The following RHOBTB1 variants were observed in gnomAD, a reference collection of about 807,000 sequenced individuals.
RHOBTB1 encodes the protein Rho related BTB domain containing 1.
RHOBTB1 carries 40 observed loss-of-function variants against 71.6 expected under a neutral mutation model. That is an observed-to-expected ratio of 0.56 (90% CI 0.43 to 0.73). The LOEUF is 0.73. Ranked by LOEUF, RHOBTB1 falls within the 30% of genes least tolerant of loss-of-function variation. The probability of loss-of-function intolerance (pLI) is 0.00; values close to 1 mark genes in which losing one functional copy is unlikely to be tolerated. For missense variants in RHOBTB1, 797 were observed against 894.0 expected (o/e 0.89, Z 1.38); for synonymous variants, 319 against 334.9 (o/e 0.95, Z 0.52).
Position 60,871,743 on chromosome 10 carries a change from C to T in RHOBTB1, c.1922-92G>A, listed in dbSNP as rs1254006279. 11 of 1,223,256 alleles carry T rather than the reference C, an allele frequency of 9.0e-6. No homozygotes were observed. In the East Asian group the frequency reaches 2.5e-4, roughly 28 times the overall value. 75.8% of individuals were successfully genotyped at this position (1,223,256 alleles called of 1,614,324 possible). ...GAGCTTAAAGCTTCTCAAATATCCT[C>T]TCAAAAACGTGATGCGGCAGAGACT... On this transcript the variant is annotated intron_variant, in intron 10 of 10. Transcript: ENST00000337910.
chr10:60,971,632 T>C (rs1000014646), intron 2 of RHOBTB1, among the ~76,000 whole-genome samples: 4 of 152,092 alleles, frequency 2.6e-5, no homozygotes, highest in African/African-American at 9.7e-5. Context: ...AACACAGGCA[T>C]GGGCAAAGAC....
chr10:60,867,179 T>C (rs2080638641), downstream of RHOBTB1, among the ~76,000 whole-genome samples: 1 of 152,194 alleles, frequency 6.6e-6, no homozygotes, highest in Admixed American at 6.5e-5. Flanking sequence ...TCTTTTCACA[T>C]GACAGTTGAA....
chr10:60,952,328 G>A (rs542499203), intron 2 of RHOBTB1, among the ~76,000 whole-genome samples: 221 of 152,134 alleles, frequency 1.5e-3, no homozygotes, highest in Non-Finnish European at 2.9e-3. Context: ...TATGGGACTA[G>A]TGCACATGAT....
At chr10:60,911,110 T>C in intron 3 of RHOBTB1, 120 bp from the exon 4 acceptor site, 1 of 821,012 alleles carries the variant, frequency 1.2e-6, no homozygotes, top group Non-Finnish European at 2.0e-6. Flanking sequence ...CCTTATTCTA[T>C]CTGACGGGAT....
At chr10:60,899,683 A>T (rs2082320989) in intron 4 of RHOBTB1, among the ~76,000 whole-genome samples, 1 of 152,180 alleles carries the variant, frequency 6.6e-6, no homozygotes, top group Non-Finnish European at 1.5e-5. Flanking sequence ...TTGAGAACCT[A>T]CTGTGTACCA....
intron 1 of RHOBTB1, among the ~76,000 whole-genome samples, chr10:60,943,186 T>A (rs1172660325): frequency 1.3e-5 from 2 of 152,346 alleles, no homozygotes; most frequent in East Asian, 3.9e-4. Context: ...TGCTTGGCGC[T>A]CCCTTCTAAC....
intron 1 of RHOBTB1, among the ~76,000 whole-genome samples, chr10:60,943,035 C>T (rs925025753): frequency 3.9e-4 from 59 of 152,254 alleles, no homozygotes; most frequent in African/African-American, 1.4e-3. Flanking sequence ...CTCTTCTGGT[C>T]TTAACTTCCT....
chr10:60,981,297 T>C (rs1373322665), intron 2 of RHOBTB1, among the ~76,000 whole-genome samples: 1 of 152,204 alleles, frequency 6.6e-6, no homozygotes, highest in African/African-American at 2.4e-5. Context: ...ATAATAAAGA[T>C]GATGAAAATA....
At chr10:60,886,696 T>C (rs2081592754) in intron 6 of RHOBTB1, among the ~76,000 whole-genome samples, 1 of 145,114 alleles carries the variant, frequency 6.9e-6, no homozygotes, top group Non-Finnish European at 1.5e-5. Context: ...GTAACCGAAT[T>C]ACTGTTTTTT....
At position 60,870,863 on chromosome 10, in the gene RHOBTB1, A is replaced by G. The variant is rs1283292030; in HGVS notation, c.*619T>C. On this transcript the variant is annotated 3_prime_UTR_variant, in exon 11 of 11. Transcript: ENST00000337910. Reference sequence around the variant, plus strand: ...TAATTACCAGCACTTAACATGGCAAATATTGTAAATACACATTCTTGGAGT... The same window carrying G: ...TAATTACCAGCACTTAACATGGCAAGTATTGTAAATACACATTCTTGGAGT... 6.5e-6 allele frequency: 1 copy of G among 152,686 alleles called. No homozygotes were observed. Among genetic ancestry groups the G allele is most frequent in the Non-Finnish European group, 1.5e-5 (1 of 68,058 alleles). The allele number at this position is 152,686 out of a possible 1,614,324, so 9.5% of individuals were successfully genotyped here.
At position 60,872,223 on chromosome 10, in the gene RHOBTB1, C is replaced by T. The variant is rs2080826572; in HGVS notation, c.1883G>A (p.Cys628Tyr). 6.2e-7 allele frequency: 1 copy of T among 1,613,970 alleles called. No individual in the cohort carries two copies. Among genetic ancestry groups the T allele is most frequent in the African/African-American group, 1.3e-5 (1 of 74,914 alleles). ...HHICTNYNSV[C>Y]SKFRKEIKSK... ...TTTGATTTCCTTACGGAACTTGGAG[C>T]ATACACTGTTGTAGTTGGTGCAGAT... Residue 628 changes from cysteine to tyrosine, a missense_variant, in exon 10 of 11, where the codon TGC becomes TAC. Cys to Tyr is a radical substitution (Grantham distance 194). Transcript: ENST00000337910.
chr10:60,903,839 C>T (rs916353994), intron 4 of RHOBTB1, among the ~76,000 whole-genome samples: 1 of 152,142 alleles, frequency 6.6e-6, no homozygotes, highest in Non-Finnish European at 1.5e-5. Context: ...TTTAAGTTCA[C>T]ATAGTGATTT....
At chr10:60,869,081 G>A (rs1247444143), downstream of RHOBTB1, among the ~76,000 whole-genome samples, 1 of 152,194 alleles carries the variant, frequency 6.6e-6, no homozygotes, top group East Asian at 1.9e-4. Flanking sequence ...CATGAACTCA[G>A]CAACTCAGAC....
intron 2 of RHOBTB1, among the ~76,000 whole-genome samples, chr10:60,935,317 A>C (rs1262094651): frequency 6.6e-6 from 1 of 152,128 alleles, no homozygotes; most frequent in Non-Finnish European, 1.5e-5. Flanking sequence ...TAAGGGTTAC[A>C]TTGATTGGGT....
Position 60,974,910 on chromosome 10 carries a change from ATT to A in RHOBTB1, c.-62+10933_-62+10934del, listed in dbSNP as rs138497554. Among the ~76,000 whole-genome samples, 220 of 152,086 alleles carry A rather than the reference ATT, an allele frequency of 1.4e-3. 5 individuals are homozygous for A. In the East Asian group the frequency reaches 0.038, roughly 26 times the overall value. ...TGATGGCATGTATGGGGATGACTGT[ATT>A]TTTTATAAGCAAATGTGAATAAGAA... On this transcript the variant is annotated intron_variant, in intron 2 of 11. Coordinates refer to the RHOBTB1 transcript ENST00000357917.
At chr10:60,881,339 T>A (rs2081320973) in intron 7 of RHOBTB1, among the ~76,000 whole-genome samples, 1 of 152,218 alleles carries the variant, frequency 6.6e-6, no homozygotes, top group Admixed American at 6.5e-5. Context: ...TAATTGAAGG[T>A]TAAGTTGTGA....
chr10:60,960,324 T>A (rs1016214832), intron 2 of RHOBTB1, among the ~76,000 whole-genome samples: 4 of 152,180 alleles, frequency 2.6e-5, no homozygotes, highest in African/African-American at 9.6e-5. Flanking sequence ...CCCTATTGAT[T>A]ATGCTGGCGA....
At position 60,965,866 on chromosome 10, in the gene RHOBTB1, A is replaced by G. The variant is rs185670771; in HGVS notation, c.-62+19979T>C. Among the ~76,000 whole-genome samples, 23 of 152,256 alleles carry G rather than the reference A, an allele frequency of 1.5e-4. No homozygotes were observed. In the East Asian group the frequency reaches 4.1e-3, roughly 27 times the overall value. ...TAGGACATTGTCTTGCCTTGTTGGC[A>G]ATTTCATTGTTCGAAAATTTGAGGA... is the stretch of plus-strand genomic sequence containing the variant. On this transcript the variant is annotated intron_variant, in intron 2 of 11. Coordinates refer to the RHOBTB1 transcript ENST00000357917.
Position 60,888,204 on chromosome 10 carries a change from C to G in RHOBTB1, c.1456+8G>C. 6.2e-7 allele frequency: 1 copy of G among 1,608,608 alleles called. No individual in the cohort carries two copies. Among genetic ancestry groups the G allele is most frequent in the Non-Finnish European group, 8.5e-7 (1 of 1,176,262 alleles). ...GGTATTAATGGCTCTGCCCCGCGGCCCACTCACCCGAGAACGTTCCCTTGC... is the reference window on the plus strand; with the variant it reads ...GGTATTAATGGCTCTGCCCCGCGGCGCACTCACCCGAGAACGTTCCCTTGC... On this transcript the variant is annotated splice_region_variant and intron_variant, in intron 6 of 10. Coordinates refer to ENST00000337910, the MANE Select transcript of RHOBTB1 (RefSeq NM_014836.5).
Sources: allele counts gnomAD v4.1 joint callset (sites outside exome capture counted in the v4.1 genomes callset), GRCh38; gene constraint gnomAD v4.1.1; transcripts MANE v1.5; gene names NCBI Gene and HGNC (gene_info 2026-07-23, HGNC 2026-07-21).